The following CD44 variants were observed in gnomAD, a reference collection of about 807,000 sequenced individuals.
CD44 encodes the protein CD44 antigen.
CD44 carries 49 observed loss-of-function variants against 88.8 expected under a neutral mutation model. The ratio of observed to expected loss-of-function variants is 0.55; its 90% confidence interval spans 0.44 to 0.70. CD44 has a LOEUF of 0.70. Ranked by LOEUF, CD44 falls within the 30% of genes least tolerant of loss-of-function variation. The probability of loss-of-function intolerance (pLI) is 0.00; values close to 1 mark genes in which losing one functional copy is unlikely to be tolerated. For missense variants in CD44, 883 were observed against 913.8 expected, an observed-to-expected ratio of 0.97 and a Z score of 0.43; for synonymous variants, 325 against 312.3, an observed-to-expected ratio of 1.04 and a Z score of -0.43.
At chr11:35,209,772 A>G (rs963124486) in intron 12 of CD44, among the ~76,000 whole-genome samples, 193 bp from the exon 13 acceptor site, 4 of 152,216 alleles carry the variant, frequency 2.6e-5, no homozygotes, top group Admixed American at 2.6e-4. Flanking sequence ...AAGGGTCTTC[A>G]GAACCAAATA....
intron 3 of CD44, among the ~76,000 whole-genome samples, chr11:35,186,054 G>A (rs1945644479): frequency 6.7e-6 from 1 of 150,018 alleles, no homozygotes. Flanking sequence ...GAGAACAAGA[G>A]AAAAAAAAAA....
chr11:35,170,549 G>A (rs1475893205), intron 1 of CD44, among the ~76,000 whole-genome samples: 1 of 152,206 alleles, frequency 6.6e-6, no homozygotes, highest in Non-Finnish European at 1.5e-5. Context: ...GCCTCAAACA[G>A]TCAGTGTTTT....
chr11:35,201,645 A>C (rs1404681480), intron 8 of CD44, 26 bp from the exon 9 acceptor site: 1 of 1,612,386 alleles, frequency 6.2e-7, no homozygotes, highest in South Asian at 1.1e-5. Flanking sequence ...AACAAGTCAC[A>C]GTGTATTTAA....
intron 15 of CD44, among the ~76,000 whole-genome samples, chr11:35,215,805 G>T (rs1008829217): frequency 6.6e-6 from 1 of 151,830 alleles, no homozygotes; most frequent in Non-Finnish European, 1.5e-5. Flanking sequence ...CTGGCAGGCA[G>T]AGTTTGCAGT....
chr11:35,208,642 T>C (rs975308220), intron 12 of CD44, among the ~76,000 whole-genome samples: 2 of 152,116 alleles, frequency 1.3e-5, no homozygotes, highest in African/African-American at 4.8e-5. Context: ...ATCCTAGAGA[T>C]CACATCAGTT....
intron 5 of CD44, among the ~76,000 whole-genome samples, chr11:35,193,705 G>A (rs1946483303): frequency 6.6e-6 from 1 of 152,186 alleles, no homozygotes; most frequent in Non-Finnish European, 1.5e-5. Flanking sequence ...AGTCGAATGA[G>A]AGATTTTAAA....
At chr11:35,226,678 A>C (rs1949710166) in intron 17 of CD44, among the ~76,000 whole-genome samples, 1 of 152,102 alleles carries the variant, frequency 6.6e-6, no homozygotes, top group Non-Finnish European at 1.5e-5. Context: ...TAAGAGCAAG[A>C]ATAATAACAA....
intron 1 of CD44, among the ~76,000 whole-genome samples, chr11:35,170,954 C>T (rs1943805492): frequency 6.6e-6 from 1 of 152,154 alleles, no homozygotes; most frequent in African/African-American, 2.4e-5. Flanking sequence ...TTATTTCTTC[C>T]CCTCTCTGTG....
At chr11:35,171,121 T>A (rs929117388) in intron 1 of CD44, among the ~76,000 whole-genome samples, 1 of 152,264 alleles carries the variant, frequency 6.6e-6, no homozygotes, top group Non-Finnish European at 1.5e-5. Context: ...GCTCTTGCTG[T>A]TGGCATTATT....
At chr11:35,189,062 A>C (rs1042337687) in intron 4 of CD44, among the ~76,000 whole-genome samples, 44 of 152,238 alleles carry the variant, frequency 2.9e-4, no homozygotes, top group Admixed American at 2.7e-3. Flanking sequence ...TGAGTGGCCC[A>C]GACTTGAGAG....
At chr11:35,170,986 A>G (rs1432759951) in intron 1 of CD44, among the ~76,000 whole-genome samples, 4 of 152,232 alleles carry the variant, frequency 2.6e-5, no homozygotes, top group Non-Finnish European at 4.4e-5. Flanking sequence ...CCATCTGGAA[A>G]ATGAGGATAC....
At chr11:35,173,700 T>G (rs188678589) in intron 1 of CD44, among the ~76,000 whole-genome samples, 2 of 152,344 alleles carry the variant, frequency 1.3e-5, no homozygotes, top group East Asian at 3.9e-4. Context: ...TCTTACCTCA[T>G]TTTGCATTTG....
intron 16 of CD44, among the ~76,000 whole-genome samples, chr11:35,220,763 CTT>C (rs34175178): frequency 0.069 from 7,219 of 105,122 alleles, 187 homozygotes; most frequent in East Asian, 0.17. Flanking sequence ...TAATATACGT[CTT>C]TTTTTTTTTT....
At chr11:35,184,858 T>G (rs1463588964) in intron 3 of CD44, among the ~76,000 whole-genome samples, 1 of 110,610 alleles carries the variant, frequency 9.0e-6, no homozygotes, top group Non-Finnish European at 2.0e-5. Context: ...GGAGATGCAT[T>G]TAGGGGGCTA....
At chr11:35,228,063 G>A (rs1949831133) in intron 17 of CD44, among the ~76,000 whole-genome samples, 1 of 152,222 alleles carries the variant, frequency 6.6e-6, no homozygotes. Flanking sequence ...TTGTAGTTGT[G>A]AAGCTATGCA....
At chr11:35,204,753 G>T in intron 10 of CD44, 113 bp downstream of exon 10, 1 of 966,122 alleles carries the variant, frequency 1.0e-6, no homozygotes. Context: ...GAGATGTTAG[G>T]TTACTTAATA....
At chr11:35,193,806 A>G (rs1946489795) in intron 5 of CD44, among the ~76,000 whole-genome samples, 1 of 152,218 alleles carries the variant, frequency 6.6e-6, no homozygotes, top group Non-Finnish European at 1.5e-5. Context: ...GTAGAAACAC[A>G]TATTGAATTA....
intron 1 of CD44, among the ~76,000 whole-genome samples, chr11:35,161,365 G>A (rs75415949): frequency 1.3e-5 from 2 of 152,226 alleles, no homozygotes; most frequent in East Asian, 3.9e-4. Context: ...CCAGGACTTG[G>A]ACCCAAGTCT....
chr11:35,139,329 C>A lies in CD44; in HGVS notation c.26C>A (p.Ala9Asp). Reference protein sequence around the residue: MDKFWWHAAWGLCLVPLSL... With the variant: MDKFWWHADWGLCLVPLSL... ...ATGGACAAGTTTTGGTGGCACGCAG[C>A]CTGGGGACTCTGCCTCGTGCCGCTG... Residue 9 changes from alanine (A) to aspartate (D), a missense_variant, in exon 1 of 18, where the codon GCC becomes GAC. Ala to Asp is a moderately radical substitution (Grantham distance 126, BLOSUM62 -2). This residue lies in a region of CD44 where 252 missense variants were observed against 322.9 expected (regional missense o/e 0.78). Coordinates refer to ENST00000428726, the MANE Select transcript of CD44 (RefSeq NM_000610.4). 1 of 1,562,334 alleles carries A rather than the reference C, an allele frequency of 6.4e-7. No individual in the cohort carries two copies. The highest frequency in any genetic ancestry group is 8.7e-7 in the Non-Finnish European group (1 of 1,152,876).
Sources: gnomAD v4.1 joint callset for allele counts (sites outside exome capture counted in the v4.1 genomes callset) on GRCh38, gnomAD v4.1.1 for gene constraint, gnomAD v4.1.1 regional missense constraint, MANE v1.5 for transcripts, NCBI Gene and HGNC (gene_info 2026-07-23, HGNC 2026-07-21) for gene names.